The following XKR6 variants were observed in gnomAD, a reference collection of about 807,000 sequenced individuals.
The protein encoded by XKR6 is XK related 6.
In XKR6, 22 loss-of-function variants were observed where a neutral mutation model predicts 56.7. The ratio of observed to expected loss-of-function variants is 0.39; its 90% CI spans 0.28 to 0.55. The LOEUF is 0.55. Ranked by LOEUF, XKR6 falls within the 20% of genes least tolerant of loss-of-function variation. The probability of loss-of-function intolerance (pLI) is 0.66; values close to 1 mark genes in which losing one functional copy is unlikely to be tolerated. For synonymous variants in XKR6, 524 were observed against 387.8 expected (o/e 1.35, Z -4.13); for missense variants, 852 against 889.0 (o/e 0.96, Z 0.53).
chr8:10,924,578 T>C (rs1345775680), intron 2 of XKR6, 56 bp downstream of exon 2: 2 of 1,556,222 alleles, frequency 1.3e-6, no homozygotes, highest in Admixed American at 1.8e-5. Context: ...GAGGCGGCCG[T>C]GGTCCCCAGG....
At chr8:10,951,310 G>GC (rs67018613) in intron 1 of XKR6, among the ~76,000 whole-genome samples, 3 of 103,816 alleles carry the variant, frequency 2.9e-5, no homozygotes, top group East Asian at 2.0e-4. Context: ...GGGGGGGGGG[G>GC]CCCCCACAGT....
At chr8:10,933,339 T>C (rs1423958450) in intron 1 of XKR6, among the ~76,000 whole-genome samples, 2 of 98,828 alleles carry the variant, frequency 2.0e-5, no homozygotes, top group East Asian at 3.9e-4. Context: ...TTCTCCCATG[T>C]TGTAGGTTGC....
chr8:11,060,643 G>A (rs753630536), intron 1 of XKR6, among the ~76,000 whole-genome samples: 24 of 152,238 alleles, frequency 1.6e-4, no homozygotes, highest in Non-Finnish European at 3.1e-4. Context: ...AAAGGAGCTC[G>A]CAGTCTAGAA....
At chr8:11,008,938 C>T (rs562969289) in intron 1 of XKR6, among the ~76,000 whole-genome samples, 3 of 152,300 alleles carry the variant, frequency 2.0e-5, no homozygotes, top group South Asian at 2.1e-4. Flanking sequence ...TCTTGACATG[C>T]ACAAAGGTCT....
intron 1 of XKR6, among the ~76,000 whole-genome samples, chr8:11,036,124 T>C (rs1799137123): frequency 6.6e-6 from 1 of 151,550 alleles, no homozygotes. Context: ...TTTTTCTTAG[T>C]TTTTGTAGAG....
intron 1 of XKR6, among the ~76,000 whole-genome samples, chr8:11,037,011 G>T (rs151118580): frequency 1.5e-3 from 234 of 152,286 alleles, no homozygotes; most frequent in African/African-American, 5.4e-3. Context: ...GAAAACGTCG[G>T]TGCCCTCTGC....
chr8:10,902,940 G>A (rs974497992), intron 2 of XKR6, among the ~76,000 whole-genome samples: 15 of 152,180 alleles, frequency 9.9e-5, no homozygotes, highest in Non-Finnish European at 2.1e-4. Flanking sequence ...CCAAGGCTCT[G>A]GGCACATTTT....
intron 1 of XKR6, among the ~76,000 whole-genome samples, chr8:11,129,507 C>A (rs1799995700): frequency 6.6e-6 from 1 of 152,094 alleles, no homozygotes; most frequent in Non-Finnish European, 1.5e-5. Context: ...CACAGGAGGA[C>A]CATTAGATGC....
intron 1 of XKR6, among the ~76,000 whole-genome samples, chr8:10,938,034 T>A (rs1465183546): frequency 6.6e-6 from 1 of 152,110 alleles, no homozygotes; most frequent in East Asian, 1.9e-4. Flanking sequence ...CTCAGACTGC[T>A]GTGCCAGCAA....
At chr8:10,928,757 G>A (rs888389180) in intron 1 of XKR6, among the ~76,000 whole-genome samples, 4 of 152,178 alleles carry the variant, frequency 2.6e-5, no homozygotes, top group Non-Finnish European at 4.4e-5. Flanking sequence ...CTCAGGATTG[G>A]CTGCCATTCC....
intron 1 of XKR6, among the ~76,000 whole-genome samples, chr8:11,170,138 C>G (rs543641404): frequency 2.0e-5 from 3 of 152,248 alleles, no homozygotes; most frequent in Non-Finnish European, 4.4e-5. Flanking sequence ...CCCTTTGCAG[C>G]TCCTCAAAAA....
At chr8:11,087,265 T>C (rs758016127) in intron 1 of XKR6, among the ~76,000 whole-genome samples, 3 of 152,210 alleles carry the variant, frequency 2.0e-5, no homozygotes, top group Non-Finnish European at 2.9e-5. Flanking sequence ...AGATCCCACT[T>C]GGCCTCCACT....
intron 1 of XKR6, among the ~76,000 whole-genome samples, chr8:11,094,881 A>G (rs1332139490): frequency 7.9e-5 from 12 of 152,120 alleles, no homozygotes; most frequent in Admixed American, 7.9e-4. Flanking sequence ...GAATGCCACT[A>G]AAAAATAGGC....
At chr8:11,082,132 T>C (rs1797743651) in intron 1 of XKR6, among the ~76,000 whole-genome samples, 1 of 152,188 alleles carries the variant, frequency 6.6e-6, no homozygotes, top group Non-Finnish European at 1.5e-5. Context: ...GGTGAGGAGC[T>C]GTGACCTGGG....
At chr8:11,102,422 C>T (rs2409705) in intron 1 of XKR6, among the ~76,000 whole-genome samples, 5 of 152,128 alleles carry the variant, frequency 3.3e-5, no homozygotes, top group African/African-American at 9.7e-5. Context: ...AACATTATGT[C>T]CAGCTGCACT....
rs796692686 is a variant in XKR6, at chr8:10,976,764, T to TCC, written c.765-51935_765-51934insGG. On this transcript the variant is annotated intron_variant, in intron 1 of 2. Coordinates refer to ENST00000416569, the MANE Select transcript of XKR6 (RefSeq NM_173683.4). ...AGGCTACCTCGCCTGTCTCTCTCTC[T>TCC]CTCTCTCTCTCTCTGTCTCTCTCTC... Among the ~76,000 whole-genome samples, 10 of 149,958 alleles carry TCC rather than the reference T, an allele frequency of 6.7e-5. 1 individual carries two copies. The highest frequency in any genetic ancestry group is 2.5e-4 in the African/African-American group (10 of 39,524).
At chr8:11,166,605 T>C (rs536922670) in intron 1 of XKR6, among the ~76,000 whole-genome samples, 31 of 150,156 alleles carry the variant, frequency 2.1e-4, no homozygotes, top group African/African-American at 1.3e-4. Flanking sequence ...GGAGTTTCAC[T>C]CTTGTCGCTC....
chr8:10,985,237 T>A (rs772837390), intron 1 of XKR6, among the ~76,000 whole-genome samples: 1 of 152,106 alleles, frequency 6.6e-6, no homozygotes, highest in Non-Finnish European at 1.5e-5. Context: ...GGTAATTGAA[T>A]CATGGGGGCA....
intron 2 of XKR6, among the ~76,000 whole-genome samples, chr8:10,911,199 C>CATGT (rs1284455130): frequency 0.12 from 15,637 of 126,294 alleles, 1,001 homozygotes; most frequent in Non-Finnish European, 0.16. Context: ...AGAGGGTGTG[C>CATGT]GTGTGTGTGT....
Sources: gnomAD v4.1 joint callset for allele counts (sites outside exome capture counted in the v4.1 genomes callset) on GRCh38, gnomAD v4.1.1 for gene constraint, MANE v1.5 for transcripts, NCBI Gene and HGNC (gene_info 2026-07-23, HGNC 2026-07-21) for gene names.